The following TLN2 variants were observed in gnomAD, a reference collection of about 807,000 sequenced individuals.
The protein encoded by TLN2 is talin 2.
TLN2 carries 118 observed loss-of-function variants against 294.7 expected under a neutral mutation model. The ratio of observed to expected loss-of-function variants is 0.40; its 90% CI spans 0.34 to 0.47. TLN2 has a LOEUF of 0.47. TLN2 is among the 20% of genes least tolerant of loss of function. The pLI is 0.84. For synonymous variants in TLN2, 1,431 were observed against 1,304.5 expected (o/e 1.10, Z -2.09); for missense variants, 3,083 against 3,282.2 (o/e 0.94, Z 1.48).
At chr15:62,608,981 G>A (rs2047679988) in intron 2 of TLN2, among the ~76,000 whole-genome samples, 1 of 152,008 alleles carries the variant, frequency 6.6e-6, no homozygotes, top group Non-Finnish European at 1.5e-5. Context: ...AATTCCCGTA[G>A]GCATTGAGGC....
chr15:62,792,220 G>A (rs570382772), intron 45 of TLN2, among the ~76,000 whole-genome samples: 3 of 152,280 alleles, frequency 2.0e-5, no homozygotes, highest in African/African-American at 4.8e-5. Flanking sequence ...CTATTTTGAA[G>A]AATAAATGAA....
At chr15:62,592,508 T>G (rs933883788) in intron 2 of TLN2, among the ~76,000 whole-genome samples, 1 of 152,258 alleles carries the variant, frequency 6.6e-6, no homozygotes, top group African/African-American at 2.4e-5. Context: ...AACATTTGTT[T>G]TAAATGTATA....
intron 40 of TLN2, among the ~76,000 whole-genome samples, chr15:62,766,025 C>T (rs1240743421): frequency 6.6e-6 from 1 of 152,198 alleles, no homozygotes; most frequent in Non-Finnish European, 1.5e-5. Context: ...TTCCGCATGT[C>T]TACTAATTCC....
rs1007952076 is a variant in TLN2, at chr15:62,390,680, C to T, written c.-243C>T. 9 of 152,216 alleles carry T rather than the reference C, an allele frequency of 5.9e-5. 1 individual carries two copies. The highest frequency in any genetic ancestry group is 2.2e-4 in the African/African-American group (9 of 41,558). 9.4% of individuals were successfully genotyped at this position (152,216 alleles called of 1,614,324 possible). On this transcript the variant is annotated 5_prime_UTR_variant, in exon 1 of 59. Coordinates refer to ENST00000636159, the MANE Select transcript of TLN2 (RefSeq NM_015059.3). ...CTCTGCAATGAGACAGTAAATGCAT[C>T]CCCCGGTAAGGCGCACGGCTCACTC...
intron 14 of TLN2, among the ~76,000 whole-genome samples, chr15:62,696,592 C>T (rs1165505397): frequency 1.3e-5 from 2 of 152,092 alleles, no homozygotes; most frequent in Non-Finnish European, 2.9e-5. Flanking sequence ...CTGGTAATCC[C>T]AGCTACTTGG....
At chr15:62,588,035 C>T (rs1251140937) in intron 1 of TLN2, among the ~76,000 whole-genome samples, 2 of 152,038 alleles carry the variant, frequency 1.3e-5, no homozygotes, top group Non-Finnish European at 2.9e-5. Context: ...CGCCCACCAC[C>T]ACCCCTGGCT....
At chr15:62,750,259 T>C in intron 33 of TLN2, 143 bp from the exon 34 acceptor site, 1 of 685,020 alleles carries the variant, frequency 1.5e-6, no homozygotes, top group Non-Finnish European at 2.6e-6. Flanking sequence ...GATACCATGA[T>C]GTAAATTCTC....
At chr15:62,649,312 G>C (rs1455967097) in intron 4 of TLN2, among the ~76,000 whole-genome samples, 1 of 151,552 alleles carries the variant, frequency 6.6e-6, no homozygotes, top group Non-Finnish European at 1.5e-5. Context: ...GTGGGGGTGG[G>C]GAGCTTGATT....
intron 14 of TLN2, 119 bp from the exon 15 acceptor site, chr15:62,697,569 C>T (rs1348831520): frequency 4.6e-6 from 5 of 1,090,070 alleles, no homozygotes. Flanking sequence ...TCTGTATGTG[C>T]CTCTTTTAGT....
In TLN2 at chr15:62,796,163, A is replaced by G. The variant is rs747101658; in HGVS notation, c.5920A>G (p.Lys1974Glu). Residue 1974 changes from lysine (K) to glutamate (E), a missense_variant, in exon 47 of 59, where the codon AAA becomes GAA. Coordinates refer to ENST00000636159, the MANE Select transcript of TLN2 (RefSeq NM_015059.3). ...LVLSALQAGN[K>E]GTQACITAAT... ...GCTCTCGGCTCTCCAGGCCGGGAACAAAGGAACCCAGGCATGCATTACAGC... is the reference window on the plus strand; with the variant it reads ...GCTCTCGGCTCTCCAGGCCGGGAACGAAGGAACCCAGGCATGCATTACAGC... The G allele has an allele frequency of 1.2e-6, 2 of 1,614,266 alleles. No homozygotes were observed. The highest frequency in any genetic ancestry group is 2.2e-5 in the South Asian group (2 of 91,088).
At position 62,783,860 on chromosome 15, in the gene TLN2, G is replaced by C. The variant is rs757772124; in HGVS notation, c.5706G>C (p.Gln1902His). 6.8e-6 allele frequency: 11 copies of C among 1,613,958 alleles called. No homozygotes were observed. The highest frequency in any genetic ancestry group is 9.3e-6 in the Non-Finnish European group (11 of 1,179,988). The part of the protein sequence containing the change: ...SDYGHLAFQG[Q>H]MAAATAEPEE... ...ATGGGCACCTGGCTTTCCAGGGCCA[G>C]ATGGCAGCAGCCACGGCGGAACCAG... Residue 1902 changes from glutamine to histidine, a missense_variant, in exon 45 of 59, where the codon CAG (glutamine) becomes CAC (histidine). Coordinates refer to ENST00000636159, the MANE Select transcript of TLN2 (RefSeq NM_015059.3).
chr15:62,579,972 A>T (rs16945335), intron 1 of TLN2, among the ~76,000 whole-genome samples: 5,619 of 152,180 alleles, frequency 0.037, 354 homozygotes, highest in African/African-American at 0.13. Flanking sequence ...GCTCTGATAC[A>T]GTCAAAGGAT....
intron 1 of TLN2, among the ~76,000 whole-genome samples, chr15:62,475,936 A>G (rs1434550317): frequency 3.9e-5 from 6 of 152,224 alleles, no homozygotes; most frequent in Admixed American, 1.3e-4. Flanking sequence ...TGATTCTGCA[A>G]TTCTATTCCT....
intron 2 of TLN2, among the ~76,000 whole-genome samples, chr15:62,614,874 T>G (rs1001858724): frequency 6.6e-6 from 1 of 152,166 alleles, no homozygotes; most frequent in African/African-American, 2.4e-5. Flanking sequence ...GGTGCCATCT[T>G]GGCTCACTGC....
chr15:62,614,298 G>A (rs973520737), intron 2 of TLN2, among the ~76,000 whole-genome samples: 3 of 152,104 alleles, frequency 2.0e-5, no homozygotes, highest in African/African-American at 7.2e-5. Context: ...TTAGGATTTT[G>A]GGAGAACGAT....
intron 1 of TLN2, among the ~76,000 whole-genome samples, chr15:62,456,751 A>C (rs1310153440): frequency 6.6e-6 from 1 of 152,142 alleles, no homozygotes; most frequent in Non-Finnish European, 1.5e-5. Context: ...TCTCCCTGAG[A>C]CTACAAGTAC....
intron 16 of TLN2, among the ~76,000 whole-genome samples, chr15:62,700,630 C>T (rs771334893): frequency 6.6e-6 from 1 of 152,104 alleles, no homozygotes; most frequent in Non-Finnish European, 1.5e-5. Flanking sequence ...GTTGTCTTTA[C>T]GACAATGCAC....
At chr15:62,482,602 C>CAAAAAAAAAAAAAAAAAAAAA (rs781297837) in intron 1 of TLN2, among the ~76,000 whole-genome samples, 1 of 75,782 alleles carries the variant, frequency 1.3e-5, no homozygotes, top group Non-Finnish European at 2.7e-5. Flanking sequence ...AACGTTGTCT[C>CAAAAAAAAAAAAAAAAAAAAA]AAAAAAAAAA....
chr15:62,688,463 A>T (rs541912282), intron 12 of TLN2, among the ~76,000 whole-genome samples: 5 of 152,170 alleles, frequency 3.3e-5, no homozygotes, highest in Non-Finnish European at 7.4e-5. Context: ...ATTCAAAAAG[A>T]ACATATATTC....
Sources: allele counts gnomAD v4.1 joint callset (sites outside exome capture counted in the v4.1 genomes callset), GRCh38; gene constraint gnomAD v4.1.1; transcripts MANE v1.5; gene names NCBI Gene and HGNC (gene_info 2026-07-23, HGNC 2026-07-21).